The following MARK2 variants were observed in gnomAD, a reference collection of about 807,000 sequenced individuals.
MARK2 encodes the protein serine/threonine-protein kinase MARK2.
Under a neutral mutation model 89.8 loss-of-function variants are expected in MARK2, and 16 were observed. That is an observed-to-expected ratio of 0.18 (90% CI 0.12 to 0.27). MARK2 has a LOEUF of 0.27. Among genes scored for constraint, MARK2 ranks in the 10% least tolerant of loss-of-function variants. The pLI, the probability that MARK2 is intolerant of heterozygous loss-of-function variation, is 1.00. For missense variants in MARK2, 621 were observed against 1,049.9 expected (o/e 0.59, Z 5.65); for synonymous variants, 382 against 399.5 (o/e 0.96, Z 0.52).
chr11:63,855,898 T>C (rs2016812728), intron 1 of MARK2, among the ~76,000 whole-genome samples: 1 of 152,258 alleles, frequency 6.6e-6, no homozygotes, highest in Admixed American at 6.5e-5. Context: ...TACAGGTTTT[T>C]TATTTTAAAA....
Position 63,904,723 on chromosome 11 carries a change from T to C in MARK2, c.1677-63T>C. Reference sequence around the variant, plus strand: ...CTGTCCCCACCACAGGGTGTCCAGGTGCCCAGTGATGGCTGTCCTGTACCC... The same window carrying C: ...CTGTCCCCACCACAGGGTGTCCAGGCGCCCAGTGATGGCTGTCCTGTACCC... On this transcript the variant is annotated intron_variant, in intron 15 of 18. Transcript: ENST00000402010. The surrounding 1 kb of genome is among the most constrained non-coding windows in gnomAD (Gnocchi z 6.3). The C allele has an allele frequency of 6.7e-7, 1 of 1,502,516 alleles. No individual in the cohort carries two copies. Among genetic ancestry groups the C allele is most frequent in the Non-Finnish European group, 9.2e-7 (1 of 1,087,340 alleles). The allele number at this position is 1,502,516 out of a possible 1,614,324, so 93.1% of individuals were successfully genotyped here.
At chr11:63,898,941 C>A (rs2135336255) in intron 6 of MARK2, 108 bp downstream of exon 6, 2 of 1,234,814 alleles carry the variant, frequency 1.6e-6, no homozygotes, top group Non-Finnish European at 2.4e-6. Context: ...GTACTTTGGG[C>A]TCTGCTTATC....
At chr11:63,907,204 G>C (rs1235312229) in intron 17 of MARK2, among the ~76,000 whole-genome samples, 1 of 152,202 alleles carries the variant, frequency 6.6e-6, no homozygotes, top group Non-Finnish European at 1.5e-5. Flanking sequence ...GCTGATGGAG[G>C]AACGTCCAGA....
intron 1 of MARK2, among the ~76,000 whole-genome samples, chr11:63,873,874 C>T (rs151154218): frequency 3.4e-4 from 52 of 152,296 alleles, no homozygotes; most frequent in Non-Finnish European, 1.9e-4. Context: ...CTTGAACTCC[C>T]GAACTCAGGT....
chr11:63,909,310 G>GC lies in MARK2; in HGVS notation c.*73_*74insC. The GC allele has an allele frequency of 2.1e-6, 3 of 1,435,372 alleles. No individual in the cohort carries two copies. Among genetic ancestry groups the GC allele is most frequent in the Non-Finnish European group, 2.8e-6 (3 of 1,081,526 alleles). The allele number at this position is 1,435,372 out of a possible 1,614,324, so 88.9% of individuals were successfully genotyped here. ...TGCCGGCCGCTGCGCCGCCCCACCTGGGCGAGACTGCAGCGATGGATTGGT... is the reference window on the plus strand; with the variant it reads ...TGCCGGCCGCTGCGCCGCCCCACCTGCGGCGAGACTGCAGCGATGGATTGGT... On this transcript the variant is annotated 3_prime_UTR_variant, in exon 19 of 19. Transcript: ENST00000402010.
rs1329989165 is a variant in MARK2, at chr11:63,898,754, C to G, written c.404-9C>G. On this transcript the variant is annotated splice_polypyrimidine_tract_variant and intron_variant, in intron 5 of 18. Transcript: ENST00000402010. ...GCTCTGACTGAGATCCCTGCCTGGT[C>G]TCTTACAGGAGAGGTATTTGATTAC... is the stretch of plus-strand genomic sequence containing the variant. The G allele has an allele frequency of 5.0e-6, 8 of 1,613,670 alleles. No homozygotes were observed. In the Admixed American group the frequency reaches 1.3e-4, roughly 27 times the overall value.
chr11:63,873,326 A>AACTT (rs1459769342), intron 1 of MARK2, among the ~76,000 whole-genome samples: 1 of 152,030 alleles, frequency 6.6e-6, no homozygotes, highest in Non-Finnish European at 1.5e-5. Flanking sequence ...TCTTGTTGCT[A>AACTT]ACTTACTACC....
chr11:63,896,314 A>G (rs1940398548), intron 3 of MARK2, among the ~76,000 whole-genome samples: 2 of 152,252 alleles, frequency 1.3e-5, no homozygotes, highest in Non-Finnish European at 2.9e-5. Context: ...AAACACGTGC[A>G]GCTACTTCAA....
At chr11:63,877,165 A>T (rs184240732) in intron 1 of MARK2, among the ~76,000 whole-genome samples, 1 of 123,920 alleles carries the variant, frequency 8.1e-6, no homozygotes, top group African/African-American at 3.1e-5. Flanking sequence ...GCTGGAGTGC[A>T]GTGGCATGAT....
chr11:63,857,225 G>GCC (rs2016910474), intron 1 of MARK2, among the ~76,000 whole-genome samples: 2 of 152,166 alleles, frequency 1.3e-5, no homozygotes, highest in African/African-American at 4.8e-5. Flanking sequence ...GGAGTGTGGT[G>GCC]GCACGATGTT....
intron 1 of MARK2, among the ~76,000 whole-genome samples, chr11:63,884,647 G>A (rs1400693365): frequency 6.6e-6 from 1 of 152,238 alleles, no homozygotes; most frequent in Non-Finnish European, 1.5e-5. Flanking sequence ...AAGGAATATG[G>A]CTGTTTCTCA....
At chr11:63,859,971 C>T (rs1937653900) in intron 1 of MARK2, among the ~76,000 whole-genome samples, 1 of 152,166 alleles carries the variant, frequency 6.6e-6, no homozygotes, top group Admixed American at 6.5e-5. Flanking sequence ...GTAAACCCCA[C>T]TGTTATGTAG....
intron 4 of MARK2, 152 bp from the exon 5 acceptor site, chr11:63,898,456 A>T (rs1940596954): frequency 1.1e-6 from 1 of 879,596 alleles, no homozygotes; most frequent in Non-Finnish European, 1.9e-6. Flanking sequence ...TGTCTTTAGC[A>T]GTTTGGCTGG....
intron 1 of MARK2, among the ~76,000 whole-genome samples, chr11:63,884,700 G>A (rs1215872899): frequency 6.6e-6 from 1 of 152,230 alleles, no homozygotes; most frequent in African/African-American, 2.4e-5. Context: ...GAGCATCCAG[G>A]CTTTCCACTG....
intron 17 of MARK2, among the ~76,000 whole-genome samples, chr11:63,906,679 G>T (rs922632062): frequency 3.9e-5 from 6 of 151,958 alleles, no homozygotes; most frequent in African/African-American, 1.5e-4. Context: ...CTATGGGATC[G>T]CAGGACTTTG....
chr11:63,890,789 G>A (rs1939786038), intron 1 of MARK2, among the ~76,000 whole-genome samples: 1 of 152,238 alleles, frequency 6.6e-6, no homozygotes, highest in Admixed American at 6.5e-5. Context: ...CATCGGATAA[G>A]GCATTTTACA....
chr11:63,850,315 ATTTTTTTT>A (rs34074167), intron 1 of MARK2, among the ~76,000 whole-genome samples: 50 of 95,772 alleles, frequency 5.2e-4, no homozygotes, highest in African/African-American at 1.5e-3. Context: ...TACCTGGCTA[ATTTTTTTT>A]TTTTTTTTTT....
intron 1 of MARK2, among the ~76,000 whole-genome samples, chr11:63,844,754 T>A (rs1178721458): frequency 6.6e-6 from 1 of 152,162 alleles, no homozygotes; most frequent in South Asian, 2.1e-4. Context: ...AGTCAGAACT[T>A]CTCAGACTAG....
chr11:63,903,955 C>A lies in MARK2; in HGVS notation c.1515-31C>A, dbSNP rs372512584. ...GCCTCCCGCCCTCACTCACCCCTAA[C>A]ACGGGCCTCTCCGCTGCTTTTGTTT... On this transcript the variant is annotated intron_variant, in intron 14 of 18. Coordinates refer to ENST00000402010, the MANE Select transcript of MARK2 (RefSeq NM_001039469.3). The surrounding 1 kb of genome is among the most constrained non-coding windows in gnomAD (Gnocchi z 5.1). The A allele has an allele frequency of 6.3e-7, 1 of 1,579,762 alleles. No individual in the cohort carries two copies. Among genetic ancestry groups the A allele is most frequent in the Non-Finnish European group, 8.6e-7 (1 of 1,160,900 alleles).
Sources: gnomAD v4.1 joint callset for allele counts (sites outside exome capture counted in the v4.1 genomes callset) on GRCh38, gnomAD v4.1.1 for gene constraint, Gnocchi (gnomAD v3.1) non-coding constraint, MANE v1.5 for transcripts, NCBI Gene and HGNC (gene_info 2026-07-23, HGNC 2026-07-21) for gene names.